The following GRAMD1B variants were observed in gnomAD, a reference collection of about 807,000 sequenced individuals.
GRAMD1B encodes the protein protein Aster-B.
Under a neutral mutation model 99.7 loss-of-function variants are expected in GRAMD1B, and 37 were observed. That is an observed-to-expected ratio of 0.37 (90% CI 0.29 to 0.49). The LOEUF is 0.49. Ranked by LOEUF, GRAMD1B falls within the 20% of genes least tolerant of loss-of-function variation. The pLI is 0.98. For missense variants in GRAMD1B, 888 were observed against 1,009.2 expected (o/e 0.88, Z 1.63); for synonymous variants, 427 against 387.6 (o/e 1.10, Z -1.19).
intron 1 of GRAMD1B, among the ~76,000 whole-genome samples, chr11:123,402,135 C>G (rs900042400): frequency 4.6e-5 from 7 of 152,200 alleles, no homozygotes; most frequent in Non-Finnish European, 8.8e-5. Flanking sequence ...CCTGCCTCAG[C>G]CTCCCAAGTA....
intron 10 of GRAMD1B, among the ~76,000 whole-genome samples, chr11:123,606,286 T>C (rs75566928): frequency 0.023 from 3,460 of 152,376 alleles, 132 homozygotes; most frequent in African/African-American, 0.078. Flanking sequence ...AGGTACTACC[T>C]GGAGGCAGGC....
chr11:123,600,460 C>T lies in GRAMD1B; in HGVS notation c.970-8C>T. On this transcript the variant is annotated splice_region_variant and splice_polypyrimidine_tract_variant and intron_variant, in intron 7 of 19. Coordinates refer to ENST00000635736, the MANE Select transcript of GRAMD1B (RefSeq NM_001387025.1). ...AGATATTTATTGTTATTTTCTTTTCCAATCTAGCACTTCTTCACTTCGTTT... is the reference window on the plus strand; with the variant it reads ...AGATATTTATTGTTATTTTCTTTTCTAATCTAGCACTTCTTCACTTCGTTT... The T allele has an allele frequency of 6.4e-6, 10 of 1,573,764 alleles. No individual in the cohort carries two copies. Among genetic ancestry groups the T allele is most frequent in the East Asian group, 2.3e-5 (1 of 44,428 alleles).
At chr11:123,408,145 CAGG>C (rs1947918724) in intron 1 of GRAMD1B, among the ~76,000 whole-genome samples, 1 of 152,182 alleles carries the variant, frequency 6.6e-6, no homozygotes, top group South Asian at 2.1e-4. Context: ...AATCCTAAGC[CAGG>C]AGTCACTGTC....
chr11:123,608,586 C>T (rs563295208), intron 11 of GRAMD1B, 73 bp from the exon 12 acceptor site: 660 of 1,552,768 alleles, frequency 4.3e-4, no homozygotes, highest in Admixed American at 3.7e-4. Flanking sequence ...CCTAAGTGCT[C>T]TTGGAGGATG....
chr11:123,572,607 G>A (rs1436699535), intron 2 of GRAMD1B, among the ~76,000 whole-genome samples: 14 of 152,210 alleles, frequency 9.2e-5, no homozygotes. Flanking sequence ...AGAGCACCGG[G>A]TGGGGACATG....
In GRAMD1B at chr11:123,604,367, G is replaced by A. The variant is rs542854112; in HGVS notation, c.1166+826G>A. Among the ~76,000 whole-genome samples the A allele has an allele frequency of 2.6e-5, 4 of 152,262 alleles. No individual in the cohort carries two copies. In the South Asian group the frequency reaches 8.3e-4, roughly 32 times the overall value. ...GCTTGAAAGCACATGCAGTGAGGGA[G>A]GAAGGCCCTAGGAAGGTTTCCTATC... is the stretch of plus-strand genomic sequence containing the variant. On this transcript the variant is annotated intron_variant, in intron 9 of 19. Transcript: ENST00000635736.
At position 123,613,538 on chromosome 11, in the gene GRAMD1B, A is replaced by G. The variant is rs769863986; in HGVS notation, c.2107A>G (p.Thr703Ala). Residue 703 changes from threonine to alanine, a missense_variant, in exon 16 of 20, where the codon ACG (threonine) becomes GCG (alanine). This residue lies in a region of GRAMD1B where 232 missense variants were observed against 261.7 expected (regional missense o/e 0.89). Coordinates refer to ENST00000635736, the MANE Select transcript of GRAMD1B (RefSeq NM_001387025.1). Reference sequence around the variant, plus strand: ...CAAAGAGAAGGCCAGCAAGACTACAACGGTGCGGAGGAGGAAGCGTCCCCA... The same window carrying G: ...CAAAGAGAAGGCCAGCAAGACTACAGCGGTGCGGAGGAGGAAGCGTCCCCA... ...SPKEKASKTT[T>A]VRRRKRPHAH... 24 of 1,613,634 alleles carry G rather than the reference A, an allele frequency of 1.5e-5. No individual in the cohort carries two copies. The Admixed American group carries it at 2.7e-4, about 18-fold the overall frequency.
At chr11:123,590,147 T>C (rs975506251) in intron 4 of GRAMD1B, among the ~76,000 whole-genome samples, 13 of 152,104 alleles carry the variant, frequency 8.5e-5, no homozygotes, top group Admixed American at 7.9e-4. Flanking sequence ...TTGGGCTTGG[T>C]CCCCCTCTTG....
At chr11:123,480,414 C>T (rs1189235447) in intron 1 of GRAMD1B, among the ~76,000 whole-genome samples, 2 of 152,140 alleles carry the variant, frequency 1.3e-5, no homozygotes, top group East Asian at 3.9e-4. Context: ...CAACACCCCA[C>T]CCAGTCCATG....
chr11:123,567,719 G>T (rs850292), intron 2 of GRAMD1B, among the ~76,000 whole-genome samples: 6 of 152,174 alleles, frequency 3.9e-5, no homozygotes, highest in African/African-American at 7.2e-5. Flanking sequence ...CAGGCAGCAG[G>T]GGGGAGTGGG....
intron 4 of GRAMD1B, among the ~76,000 whole-genome samples, chr11:123,589,733 A>G (rs1592159975): frequency 6.6e-6 from 1 of 151,658 alleles, no homozygotes; most frequent in Admixed American, 6.6e-5. Flanking sequence ...AAGTGCTGGG[A>G]TTACAAGCAC....
intron 1 of GRAMD1B, among the ~76,000 whole-genome samples, chr11:123,424,835 G>A (rs1290354488): frequency 6.6e-6 from 1 of 152,118 alleles, no homozygotes; most frequent in Non-Finnish European, 1.5e-5. Flanking sequence ...TGCACCATGT[G>A]TATCTTATTT....
chr11:123,480,844 C>T lies in GRAMD1B; in HGVS notation c.403C>T (p.His135Tyr). The T allele has an allele frequency of 2.5e-6, 1 of 398,290 alleles. No homozygotes were observed. The allele number at this position is 398,290 out of a possible 1,614,324, so 24.7% of individuals were successfully genotyped here. ...SSQQSSQQSS[H>Y]DDDSSRFLSP... ...CCAACAGAGCAGTCAGCAGAGCAGC[C>T]ACGATGATGATTCTAGCAGGTTCCT... The change falls in exon 2 of 20, where the codon CAC (histidine) becomes TAC (tyrosine). Residue 135 changes from histidine (H) to tyrosine (Y), a missense_variant. Transcript: ENST00000635736.
intron 1 of GRAMD1B, among the ~76,000 whole-genome samples, chr11:123,419,277 A>T (rs971298077): frequency 8.5e-5 from 13 of 152,162 alleles, no homozygotes; most frequent in African/African-American, 3.1e-4. Flanking sequence ...TACTGTCCCC[A>T]ACAGGTTCAC....
chr11:123,436,959 T>A (rs184112445), intron 1 of GRAMD1B, among the ~76,000 whole-genome samples: 1 of 152,306 alleles, frequency 6.6e-6, no homozygotes, highest in Non-Finnish European at 1.5e-5. Context: ...TGTGTCCATG[T>A]GTTCTCATTG....
At chr11:123,553,598 C>T (rs1368640212) in intron 2 of GRAMD1B, among the ~76,000 whole-genome samples, 2 of 152,194 alleles carry the variant, frequency 1.3e-5, no homozygotes, top group Non-Finnish European at 2.9e-5. Flanking sequence ...GTAGACATCA[C>T]TCACCTCATG....
At chr11:123,548,994 C>A (rs570919129) in intron 2 of GRAMD1B, among the ~76,000 whole-genome samples, 7 of 152,312 alleles carry the variant, frequency 4.6e-5, no homozygotes, top group African/African-American at 1.7e-4. Flanking sequence ...CCTCCCACCC[C>A]CTCATGGCAG....
At chr11:123,599,072 C>T (rs764581615) in intron 7 of GRAMD1B, 16 of 991,166 alleles carry the variant, frequency 1.6e-5, no homozygotes, top group South Asian at 8.9e-5. Flanking sequence ...TGAACTCCAC[C>T]GAGTTTTGTG....
At chr11:123,417,043 AG>A (rs1948253792) in intron 1 of GRAMD1B, among the ~76,000 whole-genome samples, 2 of 152,224 alleles carry the variant, frequency 1.3e-5, no homozygotes, top group South Asian at 4.1e-4. Flanking sequence ...ATGAAGTGCA[AG>A]GGTACATTAA....
Sources: allele counts gnomAD v4.1 joint callset (sites outside exome capture counted in the v4.1 genomes callset), GRCh38; gene constraint gnomAD v4.1.1; regional missense constraint gnomAD v4.1.1; transcripts MANE v1.5; gene names NCBI Gene and HGNC (gene_info 2026-07-23, HGNC 2026-07-21).